Variants in IQGAP2 observed in about 807,000 individuals in gnomAD.
The protein encoded by IQGAP2 is IQ motif containing GTPase activating protein 2.
IQGAP2 carries 173 observed loss-of-function variants against 201.3 expected under a neutral mutation model. The observed-to-expected ratio is 0.86, with a 90% CI of 0.76 to 0.98. The LOEUF is 0.98. IQGAP2 is among the 50% of genes least tolerant of loss of function. IQGAP2 has a pLI of 0.00. For missense variants in IQGAP2, 1,687 were observed against 1,864.8 expected, an observed-to-expected ratio of 0.90 and a Z score of 1.76; for synonymous variants, 675 against 673.9, an observed-to-expected ratio of 1.00 and a Z score of -0.03.
At chr5:76,571,586 C>A (rs1745122036) in intron 4 of IQGAP2, among the ~76,000 whole-genome samples, 1 of 152,182 alleles carries the variant, frequency 6.6e-6, no homozygotes, top group Non-Finnish European at 1.5e-5. Flanking sequence ...ACTCAGCAAA[C>A]ATTCAGTGCT....
At chr5:76,706,346 T>A (rs944986491) in intron 35 of IQGAP2, among the ~76,000 whole-genome samples, 9 of 151,970 alleles carry the variant, frequency 5.9e-5, no homozygotes, top group Admixed American at 2.6e-4. Flanking sequence ...TTGTTTTTGT[T>A]TTTGTTTTTC....
intron 2 of IQGAP2, among the ~76,000 whole-genome samples, chr5:76,498,153 G>A (rs928310174): frequency 2.0e-5 from 3 of 152,178 alleles, no homozygotes; most frequent in African/African-American, 7.2e-5. Context: ...TTGTGATTGT[G>A]CATGACATAC....
At chr5:76,590,373 A>G in intron 7 of IQGAP2, 35 bp from the exon 8 acceptor site, 4 of 1,536,978 alleles carry the variant, frequency 2.6e-6, no homozygotes, top group African/African-American at 2.8e-5. Context: ...TTTTGCTGAT[A>G]AAAACCTTTT....
At chr5:76,699,289 T>A (rs1561607733) in intron 33 of IQGAP2, 1 of 152,222 alleles carries the variant, frequency 6.6e-6, no homozygotes, top group Non-Finnish European at 1.5e-5. Context: ...GCCCCAAATG[T>A]CAGAATTTCT....
chr5:76,651,005 T>A (rs999263071), intron 17 of IQGAP2, among the ~76,000 whole-genome samples: 2 of 152,218 alleles, frequency 1.3e-5, no homozygotes, highest in Non-Finnish European at 2.9e-5. Context: ...TAAATAATTT[T>A]AAATTTGATA....
At chr5:76,429,793 C>T (rs1180637350) in intron 1 of IQGAP2, among the ~76,000 whole-genome samples, 1 of 151,248 alleles carries the variant, frequency 6.6e-6, no homozygotes, top group African/African-American at 2.4e-5. Context: ...AGATCCTGCC[C>T]AAACCTTCAA....
At chr5:76,515,570 G>A (rs1758263612) in intron 2 of IQGAP2, among the ~76,000 whole-genome samples, 1 of 152,110 alleles carries the variant, frequency 6.6e-6, no homozygotes, top group South Asian at 2.1e-4. Context: ...TATGACTTAA[G>A]GACAGAGGTG....
At chr5:76,463,159 AAAAAG>A (rs1225298869) in intron 2 of IQGAP2, among the ~76,000 whole-genome samples, 1 of 151,572 alleles carries the variant, frequency 6.6e-6, no homozygotes, top group Non-Finnish European at 1.5e-5. Flanking sequence ...AGAAAGAAAG[AAAAAG>A]AAAAGAAAAA....
chr5:76,575,253 GTA>G (rs1192767937), intron 4 of IQGAP2, among the ~76,000 whole-genome samples: 1 of 152,050 alleles, frequency 6.6e-6, no homozygotes, highest in Non-Finnish European at 1.5e-5. Flanking sequence ...GTATATGCAT[GTA>G]TACATGTGTA....
intron 2 of IQGAP2, among the ~76,000 whole-genome samples, chr5:76,468,985 CA>C (rs1322546499): frequency 6.6e-6 from 1 of 152,184 alleles, no homozygotes; most frequent in African/African-American, 2.4e-5. Context: ...AGTGTTGGAT[CA>C]GTATCATTCG....
At chr5:76,424,998 C>T (rs182643603) in intron 1 of IQGAP2, among the ~76,000 whole-genome samples, 5 of 152,268 alleles carry the variant, frequency 3.3e-5, no homozygotes, top group East Asian at 3.9e-4. Context: ...AAGGAGAGCA[C>T]GGTGCATGGA....
chr5:76,475,032 G>A (rs1380120039), intron 2 of IQGAP2, among the ~76,000 whole-genome samples: 3 of 152,158 alleles, frequency 2.0e-5, no homozygotes, highest in African/African-American at 7.2e-5. Context: ...TTTTAACAGA[G>A]CACTGGAGTA....
chr5:76,467,924 AG>A (rs145002217), intron 2 of IQGAP2, among the ~76,000 whole-genome samples: 3,782 of 152,228 alleles, frequency 0.025, 170 homozygotes, highest in African/African-American at 0.086. Flanking sequence ...ACAGAGACAA[AG>A]TAGATTAGTG....
intron 1 of IQGAP2, among the ~76,000 whole-genome samples, chr5:76,420,941 T>C (rs182689609): frequency 6.7e-4 from 102 of 152,346 alleles, no homozygotes; most frequent in Non-Finnish European, 1.2e-3. Flanking sequence ...CCATTGTAGG[T>C]ACAGGCCACA....
At chr5:76,634,852 T>A (rs902475837) in intron 15 of IQGAP2, among the ~76,000 whole-genome samples, 5 of 152,196 alleles carry the variant, frequency 3.3e-5, no homozygotes, top group African/African-American at 1.2e-4. Context: ...AAAGTATGCC[T>A]CCTTGTGGAA....
At chr5:76,566,041 A>C (rs1308039015) in intron 3 of IQGAP2, among the ~76,000 whole-genome samples, 1 of 152,182 alleles carries the variant, frequency 6.6e-6, no homozygotes, top group African/African-American at 2.4e-5. Flanking sequence ...ATACAGTTGT[A>C]GGGAAGGAAG....
At chr5:76,703,143 T>C (rs1200892921) in intron 35 of IQGAP2, among the ~76,000 whole-genome samples, 1 of 87,560 alleles carries the variant, frequency 1.1e-5, no homozygotes, top group Non-Finnish European at 2.3e-5. Flanking sequence ...GTTTTTCTTT[T>C]TTGTGGGGGG....
At chr5:76,609,099 G>A in intron 12 of IQGAP2, 1 of 1,535,558 alleles carries the variant, frequency 6.5e-7, no homozygotes, top group South Asian at 1.2e-5. Flanking sequence ...GACCTCAGCA[G>A]CTTGTATTCT....
intron 2 of IQGAP2, among the ~76,000 whole-genome samples, chr5:76,554,352 A>T (rs1404979726): frequency 1.3e-5 from 2 of 152,230 alleles, no homozygotes; most frequent in Non-Finnish European, 2.9e-5. Context: ...TTTGCTTCAG[A>T]TAACACCATT....
Sources: allele counts gnomAD v4.1 joint callset (sites outside exome capture counted in the v4.1 genomes callset), GRCh38; gene constraint gnomAD v4.1.1; transcripts MANE v1.5; gene names NCBI Gene and HGNC (gene_info 2026-07-23, HGNC 2026-07-21).